Variants in RPL38 observed in about 807,000 individuals in gnomAD.
RPL38 encodes large ribosomal subunit protein eL38.
Under a neutral mutation model 12.8 loss-of-function variants are expected in RPL38, and 2 were observed. The observed-to-expected ratio is 0.16, with a 90% confidence interval of 0.06 to 0.49. The LOEUF (loss-of-function observed/expected upper bound fraction) is 0.49, where lower values mean the gene tolerates loss of function less well. Ranked by LOEUF, RPL38 falls within the 20% of genes least tolerant of loss-of-function variation. The probability of loss-of-function intolerance (pLI) is 0.96; values close to 1 mark genes in which losing one functional copy is unlikely to be tolerated. For synonymous variants in RPL38, 42 were observed against 30.1 expected, an observed-to-expected ratio of 1.39 and a Z score of -1.29; for missense variants, 52 against 79.8, an observed-to-expected ratio of 0.65 and a Z score of 1.33.
chr17:74,205,676 A>C (rs1003150482), intron 3 of RPL38: 1 of 152,188 alleles, frequency 6.6e-6, no homozygotes, highest in Non-Finnish European at 1.5e-5. Context: ...CCTGCAGGTA[A>C]CTTACCCTTC....
chr17:74,207,533 A>T (rs181954293), intron 3 of RPL38, among the ~76,000 whole-genome samples: 3,447 of 148,324 alleles, frequency 0.023, 149 homozygotes, highest in African/African-American at 0.08. Context: ...TTTTTTATTT[A>T]TTTTTTTTTT....
chr17:74,209,782 A>T (rs771022600), intron 4 of RPL38, 22 bp from the exon 5 acceptor site: 1 of 1,610,898 alleles, frequency 6.2e-7, no homozygotes, highest in African/African-American at 1.3e-5. Flanking sequence ...TGGATGGCTT[A>T]CTTTTGTCTC....
chr17:74,209,719 CT>C (rs1210557816), intron 4 of RPL38, 84 bp from the exon 5 acceptor site: 24 of 1,202,320 alleles, frequency 2.0e-5, no homozygotes, highest in Non-Finnish European at 2.2e-5. Context: ...TGTGTGCTCT[CT>C]TTAGCTTAAG....
chr17:74,203,704 G>C lies in RPL38; in HGVS notation c.-80G>C. 2 of 512,838 alleles carry C rather than the reference G, an allele frequency of 3.9e-6. No individual in the cohort carries two copies. Among genetic ancestry groups the C allele is most frequent in the Middle Eastern group, 5.1e-4 (1 of 1,944 alleles). The allele number at this position is 512,838 out of a possible 1,614,324, so 31.8% of individuals were successfully genotyped here. The stretch of plus-strand genomic sequence containing the variant: ...TTTTTCGTCCTTTTCCCCGGTTGCT[G>C]CTTGCTGTGAGTGTCTCTAGGGTGA... On this transcript the variant is annotated 5_prime_UTR_variant, in exon 1 of 5. Coordinates refer to ENST00000311111, the MANE Select transcript of RPL38 (RefSeq NM_000999.4).
chr17:74,204,284 A>G, intron 3 of RPL38, 94 bp downstream of exon 3: 1 of 1,153,422 alleles, frequency 8.7e-7, no homozygotes. Context: ...GGAGACGGTT[A>G]GGCCGTCTGG....
At chr17:74,205,933 T>A (rs1303327846) in intron 3 of RPL38, 2 of 151,444 alleles carry the variant, frequency 1.3e-5, no homozygotes, top group Non-Finnish European at 2.9e-5. Flanking sequence ...GGCAGGAGAA[T>A]CAGTTGAACC....
In RPL38 at chr17:74,204,110, C is replaced by G. The variant is rs371237826; in HGVS notation, c.4-20C>G. On this transcript the variant is annotated intron_variant, in intron 2 of 4. Coordinates refer to ENST00000311111, the MANE Select transcript of RPL38 (RefSeq NM_000999.4). ...ACGTGTCTCTTTCCTCTCTGTTCAC[C>G]CGCTTCCTTTGTGTTGCAGCCTCGG... 1.2e-6 allele frequency: 2 copies of G among 1,614,070 alleles called. No homozygotes were observed. Among genetic ancestry groups the G allele is most frequent in the South Asian group, 1.1e-5 (1 of 91,080 alleles).
At chr17:74,207,215 G>A (rs1239213832) in intron 3 of RPL38, among the ~76,000 whole-genome samples, 1 of 151,782 alleles carries the variant, frequency 6.6e-6, no homozygotes, top group African/African-American at 2.4e-5. Flanking sequence ...TGTTGGCCAG[G>A]CTAGTCTCCA....
chr17:74,203,816 A>C, intron 1 of RPL38, 71 bp downstream of exon 1: 1 of 1,080,186 alleles, frequency 9.3e-7, no homozygotes, highest in Non-Finnish European at 1.3e-6. Flanking sequence ...GTCGGGGAGG[A>C]GAAGGGGAGT....
chr17:74,209,861 T>A lies in RPL38; in HGVS notation c.*32T>A. 3.2e-6 allele frequency: 5 copies of A among 1,565,404 alleles called. No homozygotes were observed. Among genetic ancestry groups the A allele is most frequent in the Non-Finnish European group, 4.4e-6 (5 of 1,137,152 alleles). Reference sequence around the variant, plus strand: ...CACACTGATTGGAACTGTATTATATTAAAATACTAAAAATCCTAAGTGTCT... The same window carrying A: ...CACACTGATTGGAACTGTATTATATAAAAATACTAAAAATCCTAAGTGTCT... On this transcript the variant is annotated 3_prime_UTR_variant, in exon 5 of 5. Coordinates refer to ENST00000311111, the MANE Select transcript of RPL38 (RefSeq NM_000999.4).
intron 3 of RPL38, chr17:74,204,960 C>T (rs1298257317): frequency 4.6e-5 from 7 of 152,206 alleles, no homozygotes; most frequent in Admixed American, 4.6e-4. Context: ...GCTGGGATTA[C>T]AGGTGTGAGC....
In RPL38 at chr17:74,210,105, A is replaced by C; in HGVS notation, c.*276A>C. ...TGGGTTCAAGCGACTGTCCTGCCTC[A>C]GCCTCCCGAGTGGCTGGGATTACAG... On this transcript the variant is annotated 3_prime_UTR_variant, in exon 5 of 5. Transcript: ENST00000311111. 1 of 348,016 alleles carries C rather than the reference A, an allele frequency of 2.9e-6. No individual in the cohort carries two copies. The highest frequency in any genetic ancestry group is 5.2e-6 in the Non-Finnish European group (1 of 191,828). The allele number at this position is 348,016 out of a possible 1,614,324, so 21.6% of individuals were successfully genotyped here.
chr17:74,203,818 A>G (rs1262335081), intron 1 of RPL38, 73 bp downstream of exon 1: 1 of 1,099,908 alleles, frequency 9.1e-7, no homozygotes, highest in African/African-American at 1.6e-5. Context: ...CGGGGAGGAG[A>G]AGGGGAGTGC....
At chr17:74,204,400 A>C in intron 3 of RPL38, 1 of 579,596 alleles carries the variant, frequency 1.7e-6, no homozygotes, top group Non-Finnish European at 3.1e-6. Flanking sequence ...ATCTTTAGCT[A>C]ATCGCGATCA....
In RPL38 at chr17:74,209,248, T is replaced by G; in HGVS notation, c.126T>G (p.Leu42=). The change falls in exon 4 of 5, where the codon CTT becomes CTG. Residue 42 remains leucine (L), a synonymous_variant. Transcript: ENST00000311111. ...VKFKVRCSRY[L]YTLVITDKEK... ...TTAAAGTTCGATGCAGCAGATACCT[T>G]TACACCCTGGTCATCACTGACAAAG... 6.2e-7 allele frequency: 1 copy of G among 1,614,112 alleles called. No homozygotes were observed. The highest frequency in any genetic ancestry group is 2.2e-5 in the East Asian group (1 of 44,868).
Position 74,203,972 on chromosome 17 carries a change from C to G in RPL38, c.3+14C>G, listed in dbSNP as rs774145633. On this transcript the variant is annotated intron_variant, in intron 2 of 4. Coordinates refer to ENST00000311111, the MANE Select transcript of RPL38 (RefSeq NM_000999.4). ...CTCGTCGCCATGGTGAGTACAGTCC[C>G]TGCCTGGCGCCTTCCCGGGGTGGGC... The G allele has an allele frequency of 2.5e-6, 4 of 1,612,878 alleles. No homozygotes were observed. Among genetic ancestry groups the G allele is most frequent in the East Asian group, 2.2e-5 (1 of 44,808 alleles).
chr17:74,206,998 G>A (rs539949287), intron 3 of RPL38, among the ~76,000 whole-genome samples: 1 of 151,968 alleles, frequency 6.6e-6, no homozygotes, highest in South Asian at 2.1e-4. Context: ...TTACAGGCGT[G>A]AGCCACTGTG....
Position 74,206,935 on chromosome 17 carries a change from C to G in RPL38, c.65-2252C>G, listed in dbSNP as rs188812727. Among the ~76,000 whole-genome samples, 429 of 151,086 alleles carry G rather than the reference C, an allele frequency of 2.8e-3. 1 individual carries two copies. Among genetic ancestry groups the G allele is most frequent in the Middle Eastern group, 0.017 (5 of 292 alleles). On this transcript the variant is annotated intron_variant, in intron 3 of 4. Transcript: ENST00000311111. ...GTTTCACCGAGTGAGCCAGGATGGT[C>G]TCTATCTCCTGACCTCATGATCCAC...
intron 4 of RPL38, 106 bp from the exon 5 acceptor site, chr17:74,209,698 T>G: frequency 2.1e-6 from 2 of 961,198 alleles, no homozygotes; most frequent in South Asian, 2.7e-5. Flanking sequence ...GTGGATCTAA[T>G]TTCTGAACCT....
Sources: allele counts gnomAD v4.1 joint callset (sites outside exome capture counted in the v4.1 genomes callset), GRCh38; gene constraint gnomAD v4.1.1; transcripts MANE v1.5; gene names NCBI Gene and HGNC (gene_info 2026-07-23, HGNC 2026-07-21).